RFX3: variants seen among roughly 807,000 people sequenced by gnomAD.
RFX3 encodes regulatory factor X3.
A neutral mutation model predicts 98.6 loss-of-function variants in RFX3; 14 were observed. The ratio of observed to expected loss-of-function variants is 0.14; its 90% CI spans 0.09 to 0.22. RFX3 has a LOEUF of 0.22. Ranked by LOEUF, RFX3 falls within the 10% of genes least tolerant of loss-of-function variation. The pLI is 1.00. For missense variants in RFX3, 639 were observed against 926.9 expected (o/e 0.69, Z 4.03); for synonymous variants, 383 against 328.4 (o/e 1.17, Z -1.80).
intron 1 of RFX3, among the ~76,000 whole-genome samples, chr9:3,425,620 CATTATAGTAT>C (rs1224089551): frequency 6.6e-6 from 1 of 152,156 alleles, no homozygotes; most frequent in Non-Finnish European, 1.5e-5. Flanking sequence ...TAATGTGGCA[CATTATAGTAT>C]ATTCATACTG....
chr9:3,293,069 A>G lies in RFX3; in HGVS notation c.731+8T>C, dbSNP rs762585073. On this transcript the variant is annotated splice_region_variant and intron_variant, in intron 6 of 16. Transcript: ENST00000617270. ...GATTAGTTTATGATCTTATTTTTCA[A>G]TACTAACCTAGTGCCCAATCTCCTG... 9 of 1,602,060 alleles carry G rather than the reference A, an allele frequency of 5.6e-6. No homozygotes were observed. Among genetic ancestry groups the G allele is most frequent in the South Asian group, 4.5e-5 (4 of 89,240 alleles).
chr9:3,225,287 A>C lies in RFX3; in HGVS notation c.2012-7T>G. 6.2e-7 allele frequency: 1 copy of C among 1,612,728 alleles called. No homozygotes were observed. The highest frequency in any genetic ancestry group is 8.5e-7 in the Non-Finnish European group (1 of 1,179,730). ...TCTACTTCACTGCCTTCATCTGCACAAACAAATAATACCAAGACTATCATC... is the reference window on the plus strand; with the variant it reads ...TCTACTTCACTGCCTTCATCTGCACCAACAAATAATACCAAGACTATCATC... On this transcript the variant is annotated splice_region_variant and splice_polypyrimidine_tract_variant and intron_variant, in intron 16 of 16. Coordinates refer to ENST00000617270, the MANE Select transcript of RFX3 (RefSeq NM_001282116.2).
At chr9:3,469,471 G>A (rs561828014) in intron 1 of RFX3, among the ~76,000 whole-genome samples, 11 of 152,096 alleles carry the variant, frequency 7.2e-5, no homozygotes, top group South Asian at 2.1e-4. Context: ...TATAAACTAC[G>A]AAATCTCTCA....
intron 11 of RFX3, among the ~76,000 whole-genome samples, chr9:3,267,451 G>A (rs866245580): frequency 6.6e-6 from 1 of 151,996 alleles, no homozygotes; most frequent in South Asian, 2.1e-4. Flanking sequence ...TTAAAACCAG[G>A]TTTTATAAAT....
chr9:3,489,527 C>T, intron 1 of RFX3: 12 of 403,874 alleles, frequency 3.0e-5, no homozygotes, highest in Non-Finnish European at 4.0e-5. Flanking sequence ...ACCAATTACT[C>T]TACCAAATAC....
chr9:3,403,473 T>A (rs1841670101), intron 1 of RFX3, among the ~76,000 whole-genome samples: 1 of 152,150 alleles, frequency 6.6e-6, no homozygotes, highest in Non-Finnish European at 1.5e-5. Context: ...TCAGCAGTCA[T>A]CTTCCTGTGA....
chr9:3,333,437 T>TTTGG (rs143368165), intron 3 of RFX3, among the ~76,000 whole-genome samples: 2 of 99,086 alleles, frequency 2.0e-5, no homozygotes, highest in South Asian at 6.4e-4. Context: ...TAGAAAATGT[T>TTTGG]TTTTTTTTTT....
intron 1 of RFX3, among the ~76,000 whole-genome samples, chr9:3,491,349 T>C (rs1224555521): frequency 1.3e-5 from 2 of 152,158 alleles, no homozygotes; most frequent in African/African-American, 4.8e-5. Context: ...GAAAAGAATT[T>C]GGCAATTTTA....
chr9:3,441,464 A>T (rs568024310), intron 1 of RFX3, among the ~76,000 whole-genome samples: 36 of 152,230 alleles, frequency 2.4e-4, no homozygotes, highest in Middle Eastern at 3.4e-3. Context: ...AAGCTCTAAA[A>T]ACAAGAACCA....
rs1251212785 is a variant in RFX3 at position 3,288,058 on chromosome 9, T to C, written c.851+73A>G. ...ACGTTCTTTTATACTTAGGTATTTG[T>C]TCAGAAAAAAGGAGACCCGAACAAC... On this transcript the variant is annotated intron_variant, in intron 7 of 16. Transcript: ENST00000617270. 5 of 1,424,260 alleles carry C rather than the reference T, an allele frequency of 3.5e-6. No homozygotes were observed. In the Admixed American group the frequency reaches 9.0e-5, roughly 26 times the overall value. 88.2% of individuals were successfully genotyped at this position (1,424,260 alleles called of 1,614,324 possible).
intron 7 of RFX3, among the ~76,000 whole-genome samples, 175 bp from the exon 8 acceptor site, chr9:3,277,636 T>C (rs950637223): frequency 1.3e-5 from 2 of 151,900 alleles, no homozygotes; most frequent in African/African-American, 4.8e-5. Flanking sequence ...TTTTTTCAAT[T>C]GTGAAAAGAA....
intron 1 of RFX3, among the ~76,000 whole-genome samples, chr9:3,445,169 TAAAGA>T (rs1206680945): frequency 6.6e-6 from 1 of 152,102 alleles, no homozygotes; most frequent in Non-Finnish European, 1.5e-5. Flanking sequence ...GGGAAAGCAA[TAAAGA>T]AATCTTCAAA....
chr9:3,414,915 T>C (rs1842819311), intron 1 of RFX3, among the ~76,000 whole-genome samples: 1 of 135,654 alleles, frequency 7.4e-6, no homozygotes, highest in Non-Finnish European at 1.5e-5. Flanking sequence ...TATACACACA[T>C]ATATACTCAT....
intron 7 of RFX3, among the ~76,000 whole-genome samples, chr9:3,281,545 C>A (rs1308989387): frequency 2.0e-5 from 3 of 151,670 alleles, no homozygotes; most frequent in African/African-American, 7.3e-5. Flanking sequence ...AAGACCTGTG[C>A]TTTATCAAAT....
intron 1 of RFX3, among the ~76,000 whole-genome samples, chr9:3,432,885 A>C (rs888770835): frequency 2.0e-5 from 3 of 152,174 alleles, no homozygotes; most frequent in Admixed American, 6.6e-5. Flanking sequence ...TGGTACTGTA[A>C]AGAAACATTT....
chr9:3,516,044 T>TA (rs1236119833), intron 1 of RFX3, among the ~76,000 whole-genome samples: 145 of 149,268 alleles, frequency 9.7e-4, no homozygotes, highest in Middle Eastern at 3.4e-3. Context: ...AGTATTAAAG[T>TA]AAAAAAAAAA....
chr9:3,446,751 C>T (rs991553613), intron 1 of RFX3, among the ~76,000 whole-genome samples: 1 of 151,904 alleles, frequency 6.6e-6, no homozygotes, highest in Non-Finnish European at 1.5e-5. Flanking sequence ...ATTGGAGTAA[C>T]GTATGGTACA....
At chr9:3,505,185 T>G (rs1816819422) in intron 1 of RFX3, among the ~76,000 whole-genome samples, 1 of 97,830 alleles carries the variant, frequency 1.0e-5, no homozygotes, top group Non-Finnish European at 1.8e-5. Flanking sequence ...TATAAATATA[T>G]ATATGAATAT....
rs188541565 is a variant in RFX3 at position 3,328,394 on chromosome 9, T to C, written c.474+1865A>G. On this transcript the variant is annotated intron_variant, in intron 4 of 16. Transcript: ENST00000617270. ...AGGAGGAAACTAGGAAATCATTTAG[T>C]CTAACTAACCCCTTATTTTATTGAT... Among the ~76,000 whole-genome samples, 252 of 152,258 alleles carry C rather than the reference T, an allele frequency of 1.7e-3. 2 individuals carry two copies. The highest frequency in any genetic ancestry group is 6.8e-4 in the Non-Finnish European group (46 of 68,012).
Sources: allele counts gnomAD v4.1 joint callset (sites outside exome capture counted in the v4.1 genomes callset), GRCh38; gene constraint gnomAD v4.1.1; transcripts MANE v1.5; gene names NCBI Gene and HGNC (gene_info 2026-07-23, HGNC 2026-07-21).